QTMAN: variants seen among roughly 807,000 people sequenced by gnomAD.
The protein encoded by QTMAN is queuosine-tRNA mannosyltransferase, also known as tRNA-queuosine alpha-mannosyltransferase.
the QTMAN span, among the ~76,000 whole-genome samples, chr2:144,012,946 C>T: frequency 6.6e-6 from 1 of 151,944 alleles, no homozygotes; most frequent in Non-Finnish European, 1.5e-5. Flanking sequence ...TGAAGTTCAG[C>T]GTGTCTCACA....
chr2:144,231,243 T>C, the QTMAN span, among the ~76,000 whole-genome samples: 5 of 152,166 alleles, frequency 3.3e-5, no homozygotes, highest in Non-Finnish European at 7.4e-5. Flanking sequence ...TGTTATTACA[T>C]TACCAATATT....
the QTMAN span, among the ~76,000 whole-genome samples, chr2:144,004,628 TA>T: frequency 6.6e-6 from 1 of 152,020 alleles, no homozygotes; most frequent in African/African-American, 2.4e-5. Flanking sequence ...CTTAGAACAG[TA>T]AATTTTGAAG....
chr2:143,978,524 T>C, the QTMAN span, among the ~76,000 whole-genome samples: 2 of 152,204 alleles, frequency 1.3e-5, no homozygotes, highest in African/African-American at 2.4e-5. Context: ...CTGTCTAACT[T>C]GCCAATGAAT....
At chr2:144,077,769 T>C in the QTMAN span, among the ~76,000 whole-genome samples, 1 of 152,206 alleles carries the variant, frequency 6.6e-6, no homozygotes, top group East Asian at 1.9e-4. Flanking sequence ...AAACTGTTTA[T>C]AAAAAGACAC....
the QTMAN span, among the ~76,000 whole-genome samples, chr2:144,045,118 G>A: frequency 1.6e-4 from 25 of 152,298 alleles, no homozygotes; most frequent in East Asian, 4.2e-3. Flanking sequence ...ACCCACAAAT[G>A]CTAGAGAAAT....
chr2:144,062,188 A>T, the QTMAN span, among the ~76,000 whole-genome samples: 1 of 152,212 alleles, frequency 6.6e-6, no homozygotes, highest in African/African-American at 2.4e-5. Context: ...TAACACCCCT[A>T]GACCCTGCCA....
the QTMAN span, among the ~76,000 whole-genome samples, chr2:144,271,234 C>A: frequency 9.9e-5 from 15 of 152,146 alleles, no homozygotes; most frequent in Non-Finnish European, 1.8e-4. Context: ...ATGGAAATAG[C>A]TGTTACATAA....
the QTMAN span, among the ~76,000 whole-genome samples, chr2:144,039,227 T>C: frequency 6.6e-6 from 1 of 152,186 alleles, no homozygotes; most frequent in Non-Finnish European, 1.5e-5. Flanking sequence ...GACTTGAATA[T>C]GCGAACGTGC....
the QTMAN span, among the ~76,000 whole-genome samples, chr2:144,199,179 C>G: frequency 6.6e-6 from 1 of 152,088 alleles, no homozygotes; most frequent in East Asian, 1.9e-4. Flanking sequence ...TCCTCAGTAG[C>G]TGGGATTACA....
chr2:144,185,241 A>G, the QTMAN span, among the ~76,000 whole-genome samples: 6 of 152,200 alleles, frequency 3.9e-5, no homozygotes, highest in Non-Finnish European at 5.9e-5. Flanking sequence ...AGAAAACTGA[A>G]GCTCAGAAAA....
chr2:144,315,035 A>AC, the QTMAN span, among the ~76,000 whole-genome samples: 1 of 152,042 alleles, frequency 6.6e-6, no homozygotes, highest in African/African-American at 2.4e-5. Flanking sequence ...ACAGGCACGC[A>AC]CCACCATCCC....
chr2:144,073,141 T>C, the QTMAN span, among the ~76,000 whole-genome samples: 2 of 151,952 alleles, frequency 1.3e-5, no homozygotes, highest in Non-Finnish European at 2.9e-5. Flanking sequence ...GATAACAACA[T>C]AGCCAATCAA....
At chr2:144,295,118 C>T in the QTMAN span, among the ~76,000 whole-genome samples, 1 of 152,168 alleles carries the variant, frequency 6.6e-6, no homozygotes, top group Non-Finnish European at 1.5e-5. Flanking sequence ...AAACCAATCT[C>T]CCTGAAAGCT....
At chr2:143,958,365 G>C in the QTMAN span, among the ~76,000 whole-genome samples, 3 of 152,006 alleles carry the variant, frequency 2.0e-5, no homozygotes, top group Admixed American at 1.3e-4. Flanking sequence ...GCTTGGTCCT[G>C]GTTAATTTTA....
the QTMAN span, among the ~76,000 whole-genome samples, chr2:144,326,560 C>G: frequency 3.2e-4 from 45 of 140,110 alleles, 1 homozygote; most frequent in South Asian, 9.3e-3. Flanking sequence ...GCACTCCAGC[C>G]TGGGCAACAG....
At chr2:144,108,445 T>A in the QTMAN span, among the ~76,000 whole-genome samples, 1 of 152,034 alleles carries the variant, frequency 6.6e-6, no homozygotes, top group Non-Finnish European at 1.5e-5. Context: ...GGAGACCACC[T>A]TGGCTAACAT....
At chr2:144,170,602 G>A in the QTMAN span, among the ~76,000 whole-genome samples, 1 of 152,024 alleles carries the variant, frequency 6.6e-6, no homozygotes, top group Non-Finnish European at 1.5e-5. Context: ...CAAATAAATG[G>A]GCTATCTGAC....
chr2:144,073,748 A>G, the QTMAN span, among the ~76,000 whole-genome samples: 1 of 152,240 alleles, frequency 6.6e-6, no homozygotes, highest in South Asian at 2.1e-4. Context: ...AAAGACTGCC[A>G]AACAATTATT....
the QTMAN span, among the ~76,000 whole-genome samples, chr2:144,175,765 AGCAATTCTCCT>A: frequency 1.3e-5 from 2 of 152,072 alleles, no homozygotes; most frequent in Admixed American, 6.5e-5. Flanking sequence ...CCTGGGTTCA[AGCAATTCTCCT>A]GCCTCAGCCT....
Sources: allele counts gnomAD v4.1 joint callset (sites outside exome capture counted in the v4.1 genomes callset), GRCh38; gene constraint gnomAD v4.1.1; transcripts MANE v1.5; gene names NCBI Gene and HGNC (gene_info 2026-07-23, HGNC 2026-07-21).